Variants in ATP8B4 observed in about 807,000 individuals in gnomAD.
The protein encoded by ATP8B4 is ATPase phospholipid transporting 8B4 (putative).
Under a neutral mutation model 145.6 loss-of-function variants are expected in ATP8B4, and 133 were observed. That is an observed-to-expected ratio of 0.91 (90% CI 0.79 to 1.05). ATP8B4 has a LOEUF of 1.05. Ranked by LOEUF, ATP8B4 falls within the 50% of genes least tolerant of loss-of-function variation. The pLI is 0.00. For missense variants in ATP8B4, 1,458 were observed against 1,425.2 expected (o/e 1.02, Z -0.37); for synonymous variants, 507 against 492.9 (o/e 1.03, Z -0.38).
Position 50,117,596 on chromosome 15 carries a change from G to T in ATP8B4, c.-43+1527C>A, listed in dbSNP as rs181483845. ...ATAGGTTAAAATAAATCACTCTGTG[G>T]TTTCTCAAAAAAAGTGAAAACAGAT... On this transcript the variant is annotated intron_variant, in intron 1 of 27. Transcript: ENST00000284509. Among the ~76,000 whole-genome samples the T allele has an allele frequency of 1.7e-3, 254 of 152,134 alleles. 2 individuals carry two copies. Among genetic ancestry groups the T allele is most frequent in the South Asian group, 7.5e-3 (36 of 4,820 alleles).
At chr15:49,893,527 T>C (rs900856946) in intron 23 of ATP8B4, among the ~76,000 whole-genome samples, 8 of 152,200 alleles carry the variant, frequency 5.3e-5, no homozygotes, top group Non-Finnish European at 7.3e-5. Flanking sequence ...GAGGACACTA[T>C]GCTAAGTGAA....
At chr15:49,881,389 C>T (rs1475103818) in intron 23 of ATP8B4, among the ~76,000 whole-genome samples, 8 of 152,040 alleles carry the variant, frequency 5.3e-5, no homozygotes, top group East Asian at 3.9e-4. Flanking sequence ...ATTTATATAA[C>T]GTTTAATAAT....
chr15:49,917,131 C>T, intron 19 of ATP8B4, 92 bp from the exon 20 acceptor site: 1 of 1,224,008 alleles, frequency 8.2e-7, no homozygotes, highest in Admixed American at 1.8e-5. Flanking sequence ...GCTGTATTTT[C>T]TTAAAGCCTA....
At chr15:50,002,315 C>A in intron 7 of ATP8B4, 92 bp from the exon 8 acceptor site, 1 of 982,372 alleles carries the variant, frequency 1.0e-6, no homozygotes. Context: ...ACTAAAGAGG[C>A]AACAGAGCCT....
intron 1 of ATP8B4, among the ~76,000 whole-genome samples, chr15:50,140,863 C>A (rs983130314): frequency 6.6e-6 from 1 of 152,188 alleles, no homozygotes; most frequent in East Asian, 1.9e-4. Context: ...GGGGAATCCA[C>A]TCTTTTTTAA....
At chr15:49,903,060 G>A (rs1246433646) in intron 20 of ATP8B4, among the ~76,000 whole-genome samples, 1 of 152,148 alleles carries the variant, frequency 6.6e-6, no homozygotes, top group Non-Finnish European at 1.5e-5. Flanking sequence ...TTTCCAGGCA[G>A]AAAAGGGACA....
intron 1 of ATP8B4, among the ~76,000 whole-genome samples, chr15:50,144,906 C>A (rs1216856049): frequency 6.6e-6 from 1 of 152,226 alleles, no homozygotes; most frequent in African/African-American, 2.4e-5. Context: ...CTCCTGCCCT[C>A]TACACTTATG....
At chr15:50,094,286 C>G (rs1408724299) in intron 2 of ATP8B4, among the ~76,000 whole-genome samples, 1 of 152,052 alleles carries the variant, frequency 6.6e-6, no homozygotes, top group Non-Finnish European at 1.5e-5. Flanking sequence ...TGCCTTTGAG[C>G]TGGGACATCA....
chr15:49,993,680 CTTA>C (rs1162890162), intron 9 of ATP8B4, among the ~76,000 whole-genome samples: 4 of 152,072 alleles, frequency 2.6e-5, no homozygotes, highest in Non-Finnish European at 4.4e-5. Flanking sequence ...TATATTTTTA[CTTA>C]TTAGAATAAA....
chr15:49,947,437 C>CAAAAAAA (rs35281379), intron 14 of ATP8B4, among the ~76,000 whole-genome samples: 1 of 89,022 alleles, frequency 1.1e-5, no homozygotes. Flanking sequence ...GACTCTGTCT[C>CAAAAAAA]AAAAAAAAAA....
intron 3 of ATP8B4, among the ~76,000 whole-genome samples, chr15:50,048,570 T>G (rs1202743291): frequency 6.6e-6 from 1 of 151,794 alleles, no homozygotes; most frequent in Admixed American, 6.6e-5. Context: ...TAGCCAGGCA[T>G]GGTGGTGCAC....
rs897428362 is a variant in ATP8B4 at position 50,170,497 on chromosome 15, C to CA, written c.-43+11763_-43+11764insT. On this transcript the variant is annotated intron_variant, in intron 1 of 3. Transcript: ENST00000558829. ...CTGAGAGAATTCACCATTACCAAAC[C>CA]CCCCCCACCCTCCACAAGAACTGCT... Among the ~76,000 whole-genome samples the CA allele has an allele frequency of 1.2e-4, 17 of 144,490 alleles. No homozygotes were observed. The South Asian group carries it at 2.6e-3, about 23-fold the overall frequency. The allele number at this position is 144,490 out of a possible 152,430, so 94.8% of individuals were successfully genotyped here.
intron 20 of ATP8B4, among the ~76,000 whole-genome samples, chr15:49,905,539 G>T (rs2038516037): frequency 6.6e-6 from 1 of 152,064 alleles, no homozygotes. Flanking sequence ...TAACTATAAT[G>T]ATTTCTCTTA....
At chr15:49,860,824 A>C (rs1434493322) in intron 27 of ATP8B4, among the ~76,000 whole-genome samples, 3 of 152,212 alleles carry the variant, frequency 2.0e-5, no homozygotes, top group African/African-American at 7.2e-5. Flanking sequence ...TCATTCTCCC[A>C]AAACAGCCTT....
At chr15:50,069,065 T>C (rs913181757) in intron 3 of ATP8B4, among the ~76,000 whole-genome samples, 5 of 152,228 alleles carry the variant, frequency 3.3e-5, no homozygotes, top group African/African-American at 1.2e-4. Flanking sequence ...TTTCTACTTC[T>C]ATTATTCATT....
intron 2 of ATP8B4, among the ~76,000 whole-genome samples, chr15:50,104,172 G>A (rs2056539283): frequency 6.6e-6 from 1 of 152,084 alleles, no homozygotes. Flanking sequence ...ACTGGCTTAC[G>A]CAAAGATTTC....
chr15:49,976,905 A>C (rs2045716656), intron 12 of ATP8B4, among the ~76,000 whole-genome samples: 5 of 152,178 alleles, frequency 3.3e-5, no homozygotes, highest in Admixed American at 3.3e-4. Flanking sequence ...AATTTCACCC[A>C]GTCTCAGGCA....
chr15:50,127,576 G>A (rs951134155), intron 1 of ATP8B4, among the ~76,000 whole-genome samples: 1 of 152,180 alleles, frequency 6.6e-6, no homozygotes, highest in Non-Finnish European at 1.5e-5. Flanking sequence ...GAGTCATGGA[G>A]GCCTCAAATG....
At chr15:50,010,008 G>A (rs1007336684) in intron 7 of ATP8B4, among the ~76,000 whole-genome samples, 4 of 152,156 alleles carry the variant, frequency 2.6e-5, no homozygotes, top group African/African-American at 9.7e-5. Context: ...GACTGTTTCT[G>A]AAAGTGAATG....
Sources: gnomAD v4.1 joint callset for allele counts (sites outside exome capture counted in the v4.1 genomes callset) on GRCh38, gnomAD v4.1.1 for gene constraint, MANE v1.5 for transcripts, NCBI Gene and HGNC (gene_info 2026-07-23, HGNC 2026-07-21) for gene names.